The following SLC43A1 variants were observed in gnomAD, a reference collection of about 807,000 sequenced individuals.
SLC43A1 encodes the protein large neutral amino acids transporter small subunit 3.
A neutral mutation model predicts 59.5 loss-of-function variants in SLC43A1; 31 were observed. The ratio of observed to expected loss-of-function variants is 0.52; its 90% CI spans 0.39 to 0.70. The LOEUF (loss-of-function observed/expected upper bound fraction) is 0.70, where lower values mean the gene tolerates loss of function less well. SLC43A1 is among the 30% of genes least tolerant of loss of function. SLC43A1 has a pLI of 0.00. For synonymous variants in SLC43A1, 259 were observed against 290.9 expected, an observed-to-expected ratio of 0.89 and a Z score of 1.12; for missense variants, 598 against 717.8, an observed-to-expected ratio of 0.83 and a Z score of 1.91.
chr11:57,495,931 C>G (rs1459608879), intron 7 of SLC43A1, 100 bp downstream of exon 7: 2 of 1,391,808 alleles, frequency 1.4e-6, no homozygotes, highest in African/African-American at 2.9e-5. Context: ...AAGCAGAGGT[C>G]CAAGCCGAGG....
At chr11:57,503,363 A>C (rs1944317326) in intron 2 of SLC43A1, among the ~76,000 whole-genome samples, 2 of 141,868 alleles carry the variant, frequency 1.4e-5, no homozygotes, top group African/African-American at 2.6e-5. Context: ...GCAGTGGTGC[A>C]ATTATAGCTC....
rs548450481 is a variant in SLC43A1, at chr11:57,484,757, G to C, written c.*339C>G. On this transcript the variant is annotated 3_prime_UTR_variant, in exon 15 of 15. Coordinates refer to ENST00000278426, the MANE Select transcript of SLC43A1 (RefSeq NM_003627.6). ...CACTCATGGCACATGGGACCTCAGG[G>C]GTAGCCTGTTTGCCGATCCCCCCAA... 1.4e-5 allele frequency: 3 copies of C among 215,556 alleles called. 1 individual carries two copies. Among genetic ancestry groups the C allele is most frequent in the African/African-American group, 6.9e-5 (3 of 43,670 alleles). 13.4% of individuals were successfully genotyped at this position (215,556 alleles called of 1,614,324 possible).
chr11:57,485,366 A>T (rs1363262770), intron 14 of SLC43A1, 124 bp from the exon 15 acceptor site: 9 of 870,064 alleles, frequency 1.0e-5, no homozygotes, highest in Admixed American at 3.1e-5. Flanking sequence ...GCTAGTACTT[A>T]TTATGTGTAG....
At position 57,484,842 on chromosome 11, in the gene SLC43A1, C is replaced by T; in HGVS notation, c.*254G>A. 1 of 396,802 alleles carries T rather than the reference C, an allele frequency of 2.5e-6. No individual in the cohort carries two copies. Among genetic ancestry groups the T allele is most frequent in the Non-Finnish European group, 4.5e-6 (1 of 221,750 alleles). The allele number at this position is 396,802 out of a possible 1,614,324, so 24.6% of individuals were successfully genotyped here. A position where few individuals can be genotyped will look rare whatever the true frequency, so the allele number is the denominator to read the frequency against. On this transcript the variant is annotated 3_prime_UTR_variant, in exon 15 of 15. Coordinates refer to ENST00000278426, the MANE Select transcript of SLC43A1 (RefSeq NM_003627.6). The stretch of plus-strand genomic sequence containing the variant: ...AGAGGCACCCTGGTCTCCTCCAACC[C>T]AAGGAGGAAGAAGGCTCAACCCCTC...
intron 2 of SLC43A1, among the ~76,000 whole-genome samples, chr11:57,508,700 G>A (rs1423078915): frequency 6.6e-6 from 1 of 152,034 alleles, no homozygotes; most frequent in Non-Finnish European, 1.5e-5. Context: ...AGGCTGAGGT[G>A]GGAAGATCAC....
chr11:57,498,189 C>A (rs1229055273), intron 5 of SLC43A1, among the ~76,000 whole-genome samples: 1 of 152,104 alleles, frequency 6.6e-6, no homozygotes, highest in African/African-American at 2.4e-5. Flanking sequence ...GCCTGTAATC[C>A]CAGCACTTTG....
rs1184504185 is a variant in SLC43A1, at chr11:57,487,337, C to T, written c.1410-119G>A. 15 of 1,279,024 alleles carry T rather than the reference C, an allele frequency of 1.2e-5. No individual in the cohort carries two copies. The South Asian group carries it at 1.4e-4, about 12-fold the overall frequency. 79.2% of individuals were successfully genotyped at this position (1,279,024 alleles called of 1,614,324 possible). A position where few individuals can be genotyped will look rare whatever the true frequency, so the allele number is the denominator to read the frequency against. ...CCAGGCAGGGTGGTGCTTAAGCGTTCGGGCTCTTTGCATGGGCTCTTTGGT... is the reference window on the plus strand; with the variant it reads ...CCAGGCAGGGTGGTGCTTAAGCGTTTGGGCTCTTTGCATGGGCTCTTTGGT... On this transcript the variant is annotated intron_variant, in intron 13 of 14. Transcript: ENST00000278426.
intron 2 of SLC43A1, among the ~76,000 whole-genome samples, chr11:57,513,543 C>G (rs1944606785): frequency 6.6e-6 from 1 of 152,170 alleles, no homozygotes; most frequent in African/African-American, 2.4e-5. Flanking sequence ...AATTTGAAAA[C>G]CTGGGGGCTC....
intron 2 of SLC43A1, among the ~76,000 whole-genome samples, chr11:57,512,423 C>T (rs1451303691): frequency 6.6e-6 from 1 of 151,882 alleles, no homozygotes; most frequent in Non-Finnish European, 1.5e-5. Flanking sequence ...GAAAGCCCGT[C>T]TCTACTAAAA....
intron 2 of SLC43A1, among the ~76,000 whole-genome samples, chr11:57,507,427 G>A (rs11229044): frequency 0.19 from 29,188 of 152,012 alleles, 5,269 homozygotes; most frequent in African/African-American, 0.48. Context: ...CGGTGATTGC[G>A]CTGCTGCACT....
intron 6 of SLC43A1, 78 bp from the exon 7 acceptor site, chr11:57,496,242 G>A: frequency 3.9e-6 from 6 of 1,535,390 alleles, no homozygotes; most frequent in Non-Finnish European, 4.4e-6. Context: ...AGGCCTCAGA[G>A]GCCTTAAAGA....
Position 57,492,048 on chromosome 11 carries a change from T to G in SLC43A1, c.872-186A>C, listed in dbSNP as rs75089385. ...GCTCTTGCTCAGCTCAGAACATTTT[T>G]GGATGTATGTCCTATGCTTCGTGTG... On this transcript the variant is annotated intron_variant, in intron 8 of 14. Transcript: ENST00000278426. 2.9e-3 allele frequency among the ~76,000 whole-genome samples: 447 copies of G among 152,170 alleles called. 4 individuals carry two copies. The highest frequency in any genetic ancestry group is 0.01 in the African/African-American group (428 of 41,510).
At chr11:57,510,223 G>A (rs1216401483) in intron 2 of SLC43A1, among the ~76,000 whole-genome samples, 4 of 151,918 alleles carry the variant, frequency 2.6e-5, no homozygotes, top group African/African-American at 4.8e-5. Context: ...TTGGGAGGCC[G>A]AGGTGGGCGG....
At chr11:57,489,525 T>A in intron 11 of SLC43A1, 133 bp from the exon 12 acceptor site, 1 of 1,174,942 alleles carries the variant, frequency 8.5e-7, no homozygotes, top group Non-Finnish European at 1.2e-6. Flanking sequence ...CATGTTTCTA[T>A]GGGAAACCCA....
intron 2 of SLC43A1, among the ~76,000 whole-genome samples, chr11:57,506,196 A>G (rs1590776090): frequency 1.3e-5 from 2 of 152,248 alleles, no homozygotes; most frequent in East Asian, 1.9e-4. Context: ...AAATAAAAAC[A>G]TTAGCTGAGC....
Position 57,501,136 on chromosome 11 carries a change from A to G in SLC43A1, c.332+16T>C, listed in dbSNP as rs1944252007. On this transcript the variant is annotated intron_variant, in intron 3 of 14. Coordinates refer to ENST00000278426, the MANE Select transcript of SLC43A1 (RefSeq NM_003627.6). ...CGGTCCCTGTCCTCCCGTTCCCCAT[A>G]GCCCAGCCACCTCACCTGCCAACCA... The G allele has an allele frequency of 1.2e-6, 2 of 1,612,758 alleles. No homozygotes were observed. The highest frequency in any genetic ancestry group is 1.7e-6 in the Non-Finnish European group (2 of 1,179,700).
At chr11:57,496,505 G>A (rs940525707) in intron 6 of SLC43A1, among the ~76,000 whole-genome samples, 2 of 152,030 alleles carry the variant, frequency 1.3e-5, no homozygotes, top group Non-Finnish European at 2.9e-5. Context: ...GTTCATGTTC[G>A]CACAAAAATG....
Position 57,513,944 on chromosome 11 carries a change from A to G in SLC43A1, c.154+14T>C, listed in dbSNP as rs1471162322. ...TCCCTCCCCCCAGCCCACCCAGCCC[A>G]TTTTCAGGCATACCTGGGCACGTGC... is the stretch of plus-strand genomic sequence containing the variant. On this transcript the variant is annotated intron_variant, in intron 2 of 14. Transcript: ENST00000278426. 2 of 444,980 alleles carry G rather than the reference A, an allele frequency of 4.5e-6. No individual in the cohort carries two copies. Among genetic ancestry groups the G allele is most frequent in the East Asian group, 1.4e-4 (2 of 14,508 alleles). 27.6% of individuals were successfully genotyped at this position (444,980 alleles called of 1,614,324 possible).
Position 57,501,186 on chromosome 11 carries a change from G to T in SLC43A1, c.298C>A (p.Arg100Ser). 1 of 1,612,376 alleles carries T rather than the reference G, an allele frequency of 6.2e-7. No homozygotes were observed. The highest frequency in any genetic ancestry group is 8.5e-7 in the Non-Finnish European group (1 of 1,180,018). ...TTLPLGILMD[R>S]FGPRPVRLVG... Reference sequence around the variant, plus strand: ...AGCCGCACGGGTCGGGGGCCAAAGCGGTCCATGAGGATCCCCAGTGGCAGG... The same window carrying T: ...AGCCGCACGGGTCGGGGGCCAAAGCTGTCCATGAGGATCCCCAGTGGCAGG... Residue 100 changes from arginine to serine, a missense_variant, in exon 3 of 15, where the codon CGC becomes AGC. Arg to Ser is a moderately radical substitution (Grantham distance 110, BLOSUM62 -1). Coordinates refer to ENST00000278426, the MANE Select transcript of SLC43A1 (RefSeq NM_003627.6).
Sources: allele counts gnomAD v4.1 joint callset (sites outside exome capture counted in the v4.1 genomes callset), GRCh38; gene constraint gnomAD v4.1.1; transcripts MANE v1.5; gene names NCBI Gene and HGNC (gene_info 2026-07-23, HGNC 2026-07-21).